Variants in MGAT4C observed in about 807,000 individuals in gnomAD.
The protein encoded by MGAT4C is alpha-1,3-mannosyl-glycoprotein 4-beta-N-acetylglucosaminyltransferase C.
In MGAT4C, 19 loss-of-function variants were observed where a neutral mutation model predicts 40.1. The observed-to-expected ratio is 0.47, with a 90% CI of 0.33 to 0.70. MGAT4C has a LOEUF of 0.70. Among genes scored for constraint, MGAT4C ranks in the 30% least tolerant of loss-of-function variants. The pLI is 0.02. For synonymous variants in MGAT4C, 181 were observed against 187.1 expected (o/e 0.97, Z 0.27); for missense variants, 491 against 563.2 (o/e 0.87, Z 1.30).
At chr12:86,509,051 G>A (rs1233450095) in intron 2 of MGAT4C, among the ~76,000 whole-genome samples, 1 of 151,870 alleles carries the variant, frequency 6.6e-6, no homozygotes, top group East Asian at 1.9e-4. Context: ...CTGTGCAGAA[G>A]CTCTTTAGTT....
At chr12:86,773,249 G>A (rs758103423) in intron 1 of MGAT4C, among the ~76,000 whole-genome samples, 2 of 152,062 alleles carry the variant, frequency 1.3e-5, no homozygotes, top group Non-Finnish European at 2.9e-5. Flanking sequence ...CACTATGACT[G>A]GTGTCCTTAT....
At chr12:86,169,446 C>A (rs1176162443) in intron 1 of MGAT4C, among the ~76,000 whole-genome samples, 2 of 152,170 alleles carry the variant, frequency 1.3e-5, no homozygotes, top group Non-Finnish European at 2.9e-5. Context: ...CTCTTCAAAT[C>A]TATTTTAATT....
chr12:86,735,984 A>G (rs997777259), intron 1 of MGAT4C, among the ~76,000 whole-genome samples: 1 of 151,862 alleles, frequency 6.6e-6, no homozygotes, highest in Non-Finnish European at 1.5e-5. Flanking sequence ...AGAGATATTC[A>G]TACAACTGTC....
In MGAT4C at chr12:86,736,714, T is replaced by G. The variant is rs114577976; in HGVS notation, c.-261-9473A>C. 5.4e-3 allele frequency among the ~76,000 whole-genome samples: 822 copies of G among 151,940 alleles called. 3 individuals carry two copies. Among genetic ancestry groups the G allele is most frequent in the African/African-American group, 0.019 (806 of 41,512 alleles). ...ACTATGTCCTCTTGCCTCAAAATTA[T>G]CCACTGTCTGCTGTGACCACTTTTT... is the stretch of plus-strand genomic sequence containing the variant. On this transcript the variant is annotated intron_variant, in intron 1 of 7. Transcript: ENST00000548651.
chr12:86,222,067 T>C (rs895992614), intron 1 of MGAT4C, among the ~76,000 whole-genome samples: 1 of 152,166 alleles, frequency 6.6e-6, no homozygotes, highest in Non-Finnish European at 1.5e-5. Context: ...TCAAAGAAAC[T>C]CTGTTCTAGT....
intron 1 of MGAT4C, among the ~76,000 whole-genome samples, chr12:86,215,483 T>C (rs964486134): frequency 6.6e-6 from 1 of 152,204 alleles, no homozygotes; most frequent in East Asian, 1.9e-4. Flanking sequence ...TTTTAATAAG[T>C]AGCAGAATTT....
chr12:86,163,142 T>G (rs1885788999), intron 1 of MGAT4C, among the ~76,000 whole-genome samples: 1 of 152,070 alleles, frequency 6.6e-6, no homozygotes, highest in Admixed American at 6.6e-5. Flanking sequence ...ACCAGAAAGC[T>G]TCTGCACACA....
At chr12:86,044,793 G>A (rs566230989) in intron 2 of MGAT4C, among the ~76,000 whole-genome samples, 3 of 152,066 alleles carry the variant, frequency 2.0e-5, no homozygotes, top group Non-Finnish European at 4.4e-5. Context: ...AGCAGACCTA[G>A]CTATGTTTTA....
Position 85,983,850 on chromosome 12 carries a change from G to A in MGAT4C, c.148-180C>T, listed in dbSNP as rs1884909140. ...CATCACTCACCTCATTTTTTACCTG[G>A]AGGTTCTGCTCCAGTAGCTCGCTCG... On this transcript the variant is annotated intron_variant, in intron 3 of 4. Coordinates refer to ENST00000611864, the MANE Select transcript of MGAT4C (RefSeq NM_001351288.2). 2.0e-5 allele frequency among the ~76,000 whole-genome samples: 3 copies of A among 152,010 alleles called. No homozygotes were observed. The South Asian group carries it at 6.2e-4, about 31-fold the overall frequency.
At chr12:86,246,179 CTTTTTTTTTTTT>C (rs57004605) in intron 1 of MGAT4C, among the ~76,000 whole-genome samples, 1 of 70,122 alleles carries the variant, frequency 1.4e-5, no homozygotes, top group African/African-American at 5.7e-5. Flanking sequence ...TGTACCATTG[CTTTTTTTTTTTT>C]TTTTTTTTTT....
chr12:86,237,208 C>T (rs189759982), intron 1 of MGAT4C, among the ~76,000 whole-genome samples: 1 of 151,578 alleles, frequency 6.6e-6, no homozygotes, highest in Non-Finnish European at 1.5e-5. Flanking sequence ...CTTAATAAAA[C>T]AGTGTGAATA....
intron 1 of MGAT4C, among the ~76,000 whole-genome samples, chr12:86,728,913 C>T (rs893568112): frequency 8.5e-5 from 13 of 152,158 alleles, no homozygotes; most frequent in African/African-American, 3.1e-4. Context: ...AATTCAAATA[C>T]ACCTACTTAT....
At chr12:86,774,573 C>T (rs1194437102) in intron 1 of MGAT4C, among the ~76,000 whole-genome samples, 22 of 151,882 alleles carry the variant, frequency 1.4e-4, no homozygotes, top group Non-Finnish European at 2.9e-5. Flanking sequence ...ATTCTATTCT[C>T]ATATTTTTCT....
At chr12:86,203,861 G>A (rs1248716436) in intron 1 of MGAT4C, among the ~76,000 whole-genome samples, 1 of 151,416 alleles carries the variant, frequency 6.6e-6, no homozygotes, top group East Asian at 2.0e-4. Flanking sequence ...GGAGGCTGAG[G>A]CACGAGAATC....
chr12:86,749,184 T>C (rs77107474), intron 1 of MGAT4C, among the ~76,000 whole-genome samples: 5,139 of 151,804 alleles, frequency 0.034, 286 homozygotes, highest in African/African-American at 0.12. Flanking sequence ...TCTCAGTAGT[T>C]AAATATTTAT....
At chr12:86,142,018 T>C (rs1295798410) in intron 1 of MGAT4C, among the ~76,000 whole-genome samples, 1 of 152,094 alleles carries the variant, frequency 6.6e-6, no homozygotes, top group African/African-American at 2.4e-5. Flanking sequence ...CAAACAACAC[T>C]AATATGAGGA....
rs1465483016 is a variant in MGAT4C, at chr12:86,803,400, A to C, written c.-262+35266T>G. 4.9e-3 allele frequency among the ~76,000 whole-genome samples: 738 copies of C among 151,662 alleles called. 7 individuals carry two copies. Among genetic ancestry groups the C allele is most frequent in the South Asian group, 6.9e-3 (33 of 4,814 alleles). ...ACACCAAAAGCAATGGCAACAAAAG[A>C]CAAAATTGACAAATGGGATCTAATT... is the stretch of plus-strand genomic sequence containing the variant. On this transcript the variant is annotated intron_variant, in intron 1 of 7. Transcript: ENST00000548651.
At chr12:86,757,321 A>T (rs553652563) in intron 1 of MGAT4C, among the ~76,000 whole-genome samples, 1 of 152,298 alleles carries the variant, frequency 6.6e-6, no homozygotes, top group African/African-American at 2.4e-5. Flanking sequence ...CCTATGTAAC[A>T]AAACTGCACG....
chr12:86,107,876 T>G (rs1289546616), intron 1 of MGAT4C, among the ~76,000 whole-genome samples: 1 of 152,118 alleles, frequency 6.6e-6, no homozygotes, highest in Non-Finnish European at 1.5e-5. Flanking sequence ...TGTCTTTGGA[T>G]TTTGGAATTC....
Sources: gnomAD v4.1 joint callset for allele counts (sites outside exome capture counted in the v4.1 genomes callset) on GRCh38, gnomAD v4.1.1 for gene constraint, MANE v1.5 for transcripts, NCBI Gene and HGNC (gene_info 2026-07-23, HGNC 2026-07-21) for gene names.